Variants in ZNHIT6 observed in about 807,000 individuals in gnomAD.
The protein encoded by ZNHIT6 is zinc finger HIT-type containing 6.
ZNHIT6 carries 45 observed loss-of-function variants against 57.2 expected under a neutral mutation model. The ratio of observed to expected loss-of-function variants is 0.79; its 90% confidence interval spans 0.62 to 1.01. The LOEUF is 1.01. ZNHIT6 is among the 50% of genes least tolerant of loss of function. The probability of loss-of-function intolerance (pLI) is 0.00; values close to 1 mark genes in which losing one functional copy is unlikely to be tolerated. For synonymous variants in ZNHIT6, 188 were observed against 190.0 expected, an observed-to-expected ratio of 0.99 and a Z score of 0.09; for missense variants, 528 against 567.3, an observed-to-expected ratio of 0.93 and a Z score of 0.70.
At chr1:85,702,404 AC>A in intron 4 of ZNHIT6, 144 bp from the exon 5 acceptor site, 1 of 599,558 alleles carries the variant, frequency 1.7e-6, no homozygotes. Context: ...TGTAATCTTC[AC>A]CATGATACTA....
chr1:85,658,497 TG>T (rs1661128683), intron 8 of ZNHIT6, among the ~76,000 whole-genome samples: 1 of 152,112 alleles, frequency 6.6e-6, no homozygotes, highest in South Asian at 2.1e-4. Flanking sequence ...CCCAAAGTGC[TG>T]GGATTACAGG....
chr1:85,677,097 G>C, intron 8 of ZNHIT6, 139 bp downstream of exon 8: 1 of 581,016 alleles, frequency 1.7e-6, no homozygotes, highest in Non-Finnish European at 2.8e-6. Flanking sequence ...TGATTATTTT[G>C]AATTTGACTT....
chr1:85,656,835 T>C (rs1661073189), intron 9 of ZNHIT6, among the ~76,000 whole-genome samples: 1 of 152,132 alleles, frequency 6.6e-6, no homozygotes, highest in African/African-American at 2.4e-5. Flanking sequence ...TTTTTTCTAT[T>C]AATTTTTGCA....
At chr1:85,680,800 T>G in intron 6 of ZNHIT6, 36 bp downstream of exon 6, 5 of 1,530,240 alleles carry the variant, frequency 3.3e-6, no homozygotes, top group South Asian at 1.2e-5. Context: ...GCCTTCAAAT[T>G]AAAACAAATC....
intron 5 of ZNHIT6, among the ~76,000 whole-genome samples, chr1:85,683,269 A>G (rs976403455): frequency 2.6e-5 from 4 of 152,202 alleles, no homozygotes; most frequent in African/African-American, 9.6e-5. Flanking sequence ...CTCTAATCCC[A>G]GCACTTTGGG....
rs1378302037 is a variant in ZNHIT6, at chr1:85,649,947, C to T, written c.*4111G>A. On this transcript the variant is annotated 3_prime_UTR_variant, in exon 10 of 10. Coordinates refer to ENST00000370574, the MANE Select transcript of ZNHIT6 (RefSeq NM_017953.4). ...AATCTCTAGTTAAAAACAATCAAGA[C>T]TTGCAGATTAAATCTGAACTTTACT... is the stretch of plus-strand genomic sequence containing the variant. 6.6e-6 allele frequency: 1 copy of T among 152,152 alleles called. No homozygotes were observed. Among genetic ancestry groups the T allele is most frequent in the South Asian group, 2.1e-4 (1 of 4,832 alleles). 9.4% of individuals were successfully genotyped at this position (152,152 alleles called of 1,614,324 possible).
At chr1:85,683,488 A>G (rs1383461492) in intron 5 of ZNHIT6, among the ~76,000 whole-genome samples, 1 of 151,964 alleles carries the variant, frequency 6.6e-6, no homozygotes, top group East Asian at 1.9e-4. Context: ...GAGCCACTGC[A>G]TTCCAGCCTG....
chr1:85,701,148 T>C (rs1420187352), intron 5 of ZNHIT6, among the ~76,000 whole-genome samples: 2 of 152,216 alleles, frequency 1.3e-5, no homozygotes, highest in Non-Finnish European at 2.9e-5. Flanking sequence ...ATGGAAAACG[T>C]CATCTTCTAA....
chr1:85,670,964 A>T (rs1661541651), intron 8 of ZNHIT6, among the ~76,000 whole-genome samples: 1 of 151,680 alleles, frequency 6.6e-6, no homozygotes, highest in African/African-American at 2.4e-5. Context: ...AGTCCATTAA[A>T]TTCGAAACAC....
intron 8 of ZNHIT6, among the ~76,000 whole-genome samples, chr1:85,664,968 A>G (rs574583995): frequency 5.3e-5 from 8 of 152,112 alleles, no homozygotes; most frequent in African/African-American, 1.9e-4. Flanking sequence ...AGTAGCTGGG[A>G]CTATAGGTGT....
intron 5 of ZNHIT6, among the ~76,000 whole-genome samples, chr1:85,699,746 A>G (rs1662475568): frequency 6.6e-6 from 1 of 152,192 alleles, no homozygotes; most frequent in African/African-American, 2.4e-5. Context: ...AGGTAAGCAC[A>G]CAAAACAATT....
chr1:85,677,205 T>G, intron 8 of ZNHIT6, 31 bp downstream of exon 8: 2 of 1,527,330 alleles, frequency 1.3e-6, no homozygotes, highest in Non-Finnish European at 1.8e-6. Context: ...CTAAAAAATA[T>G]TTAAAGAAAT....
chr1:85,702,033 T>C (rs1452457775), intron 5 of ZNHIT6, 124 bp downstream of exon 5: 6 of 659,916 alleles, frequency 9.1e-6, no homozygotes, highest in Non-Finnish European at 1.5e-5. Context: ...TATCTTGTCA[T>C]GGACCAATAA....
intron 8 of ZNHIT6, among the ~76,000 whole-genome samples, chr1:85,674,222 A>G (rs1209681312): frequency 6.6e-6 from 1 of 152,098 alleles, no homozygotes; most frequent in African/African-American, 2.4e-5. Flanking sequence ...AAAATGGGGG[A>G]ATTTGGAAGA....
In ZNHIT6 at chr1:85,667,961, A is replaced by AAAAAAAAAAAAAAAAATGTATATATAT; in HGVS notation, c.1247+9274_1247+9275insATATATATACATTTTTTTTTTTTTTTT. ...ACTCTCTCTTTCAAAAAAAAAAAAAAATATATATATATATATATATATATG... is the reference window on the plus strand; with the variant it reads ...ACTCTCTCTTTCAAAAAAAAAAAAAAAAAAAAAAAAAAAAAATGTATATATATATATATATATATATATATATATATG... On this transcript the variant is annotated intron_variant, in intron 8 of 9. Coordinates refer to ENST00000370574, the MANE Select transcript of ZNHIT6 (RefSeq NM_017953.4). Among the ~76,000 whole-genome samples, 13 of 18,200 alleles carry AAAAAAAAAAAAAAAAATGTATATATAT rather than the reference A, an allele frequency of 7.1e-4. 4 individuals are homozygous for AAAAAAAAAAAAAAAAATGTATATATAT. The highest frequency in any genetic ancestry group is 1.1e-3 in the Non-Finnish European group (11 of 10,104). The allele number at this position is 18,200 out of a possible 152,430, so 11.9% of individuals were successfully genotyped here.
intron 9 of ZNHIT6, among the ~76,000 whole-genome samples, chr1:85,656,950 A>G (rs1335744135): frequency 6.6e-6 from 1 of 152,156 alleles, no homozygotes; most frequent in Admixed American, 6.5e-5. Flanking sequence ...ACCCATTTCA[A>G]ATACTACTTA....
chr1:85,674,170 T>C (rs983204662), intron 8 of ZNHIT6, among the ~76,000 whole-genome samples: 5 of 152,198 alleles, frequency 3.3e-5, no homozygotes, highest in African/African-American at 1.2e-4. Context: ...TTCCTTTGCT[T>C]TGATAGTATT....
At chr1:85,682,119 T>C (rs1245865345) in intron 5 of ZNHIT6, among the ~76,000 whole-genome samples, 2 of 150,736 alleles carry the variant, frequency 1.3e-5, no homozygotes, top group African/African-American at 4.9e-5. Flanking sequence ...ATTCACACCA[T>C]TCTCCTGCCT....
intron 7 of ZNHIT6, among the ~76,000 whole-genome samples, chr1:85,678,162 C>T (rs1426538282): frequency 6.6e-6 from 1 of 152,162 alleles, no homozygotes; most frequent in African/African-American, 2.4e-5. Context: ...TTATGTTAAC[C>T]ACTTTTGTCC....
Sources: gnomAD v4.1 joint callset for allele counts (sites outside exome capture counted in the v4.1 genomes callset) on GRCh38, gnomAD v4.1.1 for gene constraint, MANE v1.5 for transcripts, NCBI Gene and HGNC (gene_info 2026-07-23, HGNC 2026-07-21) for gene names.